Variants in BAALC observed in about 807,000 individuals in gnomAD.
BAALC encodes brain and acute leukemia cytoplasmic protein.
A neutral mutation model predicts 15.5 loss-of-function variants in BAALC; 9 were observed. The observed-to-expected ratio is 0.58, with a 90% confidence interval of 0.35 to 1.02. The LOEUF is 1.02. Ranked by LOEUF, BAALC falls within the 50% of genes least tolerant of loss-of-function variation. The probability of loss-of-function intolerance (pLI) is 0.02; values close to 1 mark genes in which losing one functional copy is unlikely to be tolerated. For synonymous variants in BAALC, 80 were observed against 74.6 expected (o/e 1.07, Z -0.37); for missense variants, 201 against 192.4 (o/e 1.04, Z -0.27).
At chr8:103,190,797 G>A (rs1297252184) in intron 1 of BAALC, among the ~76,000 whole-genome samples, 2 of 152,182 alleles carry the variant, frequency 1.3e-5, no homozygotes, top group African/African-American at 4.8e-5. Context: ...GCCTCTGTGA[G>A]TCCCCAGAGC....
intron 1 of BAALC, among the ~76,000 whole-genome samples, chr8:103,204,650 A>G (rs1252752388): frequency 6.6e-6 from 1 of 152,224 alleles, no homozygotes. Context: ...TTCAGTTGTC[A>G]TAGCACATGT....
At chr8:103,176,269 G>A (rs1811604270) in intron 1 of BAALC, among the ~76,000 whole-genome samples, 1 of 152,120 alleles carries the variant, frequency 6.6e-6, no homozygotes, top group Non-Finnish European at 1.5e-5. Context: ...GCTGCAGAAA[G>A]CACTGTTAAA....
chr8:103,193,658 C>A (rs1812025469), intron 1 of BAALC, among the ~76,000 whole-genome samples: 1 of 152,170 alleles, frequency 6.6e-6, no homozygotes, highest in African/African-American at 2.4e-5. Flanking sequence ...TGTCTTTTAG[C>A]AAGTTATTTG....
At chr8:103,182,276 T>C (rs1352466663) in intron 1 of BAALC, among the ~76,000 whole-genome samples, 1 of 152,220 alleles carries the variant, frequency 6.6e-6, no homozygotes, top group Non-Finnish European at 1.5e-5. Flanking sequence ...GGCTAGGGCT[T>C]TGGGCTTTTG....
At position 103,173,894 on chromosome 8, in the gene BAALC, C is replaced by T. The variant is rs16870216; in HGVS notation, c.160+32837C>T. Among the ~76,000 whole-genome samples the T allele has an allele frequency of 5.1e-3, 773 of 152,292 alleles. 11 individuals carry two copies. The highest frequency in any genetic ancestry group is 0.017 in the African/African-American group (713 of 41,560). On this transcript the variant is annotated intron_variant, in intron 1 of 2. Transcript: ENST00000309982. The stretch of plus-strand genomic sequence containing the variant: ...TATCTGCAGAGTGCAAAATTCGTCA[C>T]GGTCCTTGCCCACAGACTTGTAGTC...
At chr8:103,149,211 A>G (rs956435947) in intron 1 of BAALC, among the ~76,000 whole-genome samples, 25 of 152,068 alleles carry the variant, frequency 1.6e-4, no homozygotes, top group Non-Finnish European at 2.9e-5. Flanking sequence ...GAAAATATTA[A>G]CCATTTAGCG....
Position 103,212,960 on chromosome 8 carries a change from T to C in BAALC, c.202T>C (p.Ser68Pro). 1.6e-5 allele frequency: 26 copies of C among 1,614,078 alleles called. No homozygotes were observed. The highest frequency in any genetic ancestry group is 2.2e-5 in the Non-Finnish European group (26 of 1,179,956). The change falls in exon 2 of 3, where the codon TCT becomes CCT. Residue 68 changes from serine (S) to proline (P), a missense_variant. Physicochemically the swap from Ser to Pro is moderately conservative, Grantham distance 74 (BLOSUM62 -1). Coordinates refer to ENST00000309982, the MANE Select transcript of BAALC (RefSeq NM_024812.3). Reference sequence around the variant, plus strand: ...ACTGCCCTCCAATGGTGTGCCCCGATCTACAGCCCCAGGTGGAATACCCAA... The same window carrying C: ...ACTGCCCTCCAATGGTGTGCCCCGACCTACAGCCCCAGGTGGAATACCCAA... ...DGLPSNGVPR[S>P]TAPGGIPNPE...
At chr8:103,159,391 A>G (rs1586382392) in intron 1 of BAALC, among the ~76,000 whole-genome samples, 1 of 152,218 alleles carries the variant, frequency 6.6e-6, no homozygotes, top group East Asian at 1.9e-4. Flanking sequence ...AACATTTATT[A>G]CTTGGAATTC....
At chr8:103,191,818 A>G (rs1185523587) in intron 1 of BAALC, among the ~76,000 whole-genome samples, 1 of 152,170 alleles carries the variant, frequency 6.6e-6, no homozygotes, top group Non-Finnish European at 1.5e-5. Context: ...CTCAAATTAG[A>G]TTTCTCACAA....
intron 1 of BAALC, among the ~76,000 whole-genome samples, chr8:103,194,391 C>G (rs1212760344): frequency 1.3e-5 from 2 of 152,168 alleles, no homozygotes; most frequent in African/African-American, 2.4e-5. Context: ...AATTTAATTC[C>G]TGTCACAAAA....
intron 1 of BAALC, among the ~76,000 whole-genome samples, chr8:103,195,203 C>T (rs906276834): frequency 6.6e-6 from 1 of 152,056 alleles, no homozygotes; most frequent in Non-Finnish European, 1.5e-5. Context: ...CCATCTGTGG[C>T]AAGAGGGAAG....
chr8:103,206,317 C>T (rs1812328447), intron 1 of BAALC, among the ~76,000 whole-genome samples: 1 of 152,174 alleles, frequency 6.6e-6, no homozygotes, highest in Non-Finnish European at 1.5e-5. Flanking sequence ...ATCTGTCTTC[C>T]ATTCTCCTCA....
intron 1 of BAALC, among the ~76,000 whole-genome samples, chr8:103,160,656 T>C (rs1461810062): frequency 6.6e-6 from 1 of 152,120 alleles, no homozygotes; most frequent in Non-Finnish European, 1.5e-5. Context: ...AAGGGGAGTT[T>C]ATTAAGTATT....
chr8:103,172,186 T>C (rs891994525), intron 1 of BAALC: 1 of 73,844 alleles, frequency 1.4e-5, no homozygotes, highest in African/African-American at 5.8e-5. Flanking sequence ...CTTGGGTCCT[T>C]TTTTTTTTAC....
chr8:103,192,324 T>C (rs1449872394), intron 1 of BAALC, among the ~76,000 whole-genome samples: 1 of 152,228 alleles, frequency 6.6e-6, no homozygotes, highest in Non-Finnish European at 1.5e-5. Flanking sequence ...AGTGCTGGGA[T>C]TACAGGCGTG....
chr8:103,202,921 G>T (rs571853988), intron 1 of BAALC: 1 of 152,386 alleles, frequency 6.6e-6, no homozygotes, highest in African/African-American at 2.4e-5. Context: ...GAGAAGACTG[G>T]CAGGTCCAAA....
intron 1 of BAALC, among the ~76,000 whole-genome samples, chr8:103,148,991 C>A (rs1810927889): frequency 6.6e-6 from 1 of 152,164 alleles, no homozygotes; most frequent in Non-Finnish European, 1.5e-5. Context: ...CCGAAATAAC[C>A]TCATAAACCA....
Position 103,229,822 on chromosome 8 carries a change from C to CT in BAALC, c.*1726dup, listed in dbSNP as rs1417867686. On this transcript the variant is annotated 3_prime_UTR_variant, in exon 3 of 3. Transcript: ENST00000309982. Reference sequence around the variant, plus strand: ...TTCTTTGAGAAAGGGCTTTTAGGAACTTTATGTTCTAAAAAATGTTTTTAA... The same window carrying CT: ...TTCTTTGAGAAAGGGCTTTTAGGAACTTTTATGTTCTAAAAAATGTTTTTAA... 1.3e-5 allele frequency: 2 copies of CT among 152,148 alleles called. No homozygotes were observed. Among genetic ancestry groups the CT allele is most frequent in the African/African-American group, 4.8e-5 (2 of 41,440 alleles). The allele number at this position is 152,148 out of a possible 1,614,324, so 9.4% of individuals were successfully genotyped here.
At chr8:103,195,439 A>G (rs1400959245) in intron 1 of BAALC, among the ~76,000 whole-genome samples, 1 of 152,188 alleles carries the variant, frequency 6.6e-6, no homozygotes, top group African/African-American at 2.4e-5. Context: ...TCATAACTTC[A>G]TGAGGAATCT....
Sources: gnomAD v4.1 joint callset for allele counts (sites outside exome capture counted in the v4.1 genomes callset) on GRCh38, gnomAD v4.1.1 for gene constraint, MANE v1.5 for transcripts, NCBI Gene and HGNC (gene_info 2026-07-23, HGNC 2026-07-21) for gene names.